Variants in SYT15B observed in about 807,000 individuals in gnomAD.
SYT15B encodes synaptotagmin-15.
At chr10:47,744,949 G>T in the SYT15B span, among the ~76,000 whole-genome samples, 7 of 152,008 alleles carry the variant, frequency 4.6e-5, no homozygotes, top group East Asian at 1.4e-3. Flanking sequence ...ATCCCATGTA[G>T]GAGTCTAAAC....
the SYT15B span, among the ~76,000 whole-genome samples, chr10:47,748,436 C>T: frequency 6.6e-6 from 1 of 151,872 alleles, no homozygotes; most frequent in South Asian, 2.1e-4. Context: ...TGGTCTCAAA[C>T]TTCTGACCTC....
the SYT15B span, among the ~76,000 whole-genome samples, chr10:47,759,333 A>C: frequency 6.8e-6 from 1 of 146,914 alleles, no homozygotes; most frequent in South Asian, 2.2e-4. Flanking sequence ...CCCATAGGCC[A>C]GGGCCTGGCA....
At chr10:47,744,881 A>C in the SYT15B span, among the ~76,000 whole-genome samples, 3 of 152,000 alleles carry the variant, frequency 2.0e-5, no homozygotes, top group African/African-American at 7.2e-5. Context: ...TTGACCAAAA[A>C]TGTGTCCTGT....
chr10:47,748,263 CG>C, the SYT15B span, among the ~76,000 whole-genome samples: 1 of 141,802 alleles, frequency 7.1e-6, no homozygotes, highest in Non-Finnish European at 1.5e-5. Context: ...GGCTGGAGTA[CG>C]GTGGCGCGCG....
At chr10:47,747,256 G>A in the SYT15B span, among the ~76,000 whole-genome samples, 1 of 152,190 alleles carries the variant, frequency 6.6e-6, no homozygotes, top group South Asian at 2.1e-4. Context: ...GGTTGTCAAG[G>A]CAGCTGGAAC....
the SYT15B span, among the ~76,000 whole-genome samples, chr10:47,762,360 C>T: frequency 7.1e-6 from 1 of 141,606 alleles, no homozygotes; most frequent in Non-Finnish European, 1.6e-5. Context: ...AAAAAGGTGC[C>T]TCCCTTAGGG....
the SYT15B span, chr10:47,763,173 C>G: frequency 1.0e-6 from 1 of 989,742 alleles, no homozygotes; most frequent in Non-Finnish European, 1.2e-6. Context: ...TTCCCGGATC[C>G]CGGGGTGGAG....
At chr10:47,761,079 C>T in the SYT15B span, 3 of 623,364 alleles carry the variant, frequency 4.8e-6, no homozygotes, top group African/African-American at 5.9e-5. Flanking sequence ...TGGGCCCATA[C>T]CAGGCAACAC....
the SYT15B span, among the ~76,000 whole-genome samples, chr10:47,746,546 C>T: frequency 1.8e-5 from 1 of 56,920 alleles, no homozygotes; most frequent in East Asian, 4.4e-4. Context: ...GGCGTGGTAG[C>T]GCATGCCTGT....
chr10:47,761,098 A>G, the SYT15B span, among the ~76,000 whole-genome samples: 5 of 73,902 alleles, frequency 6.8e-5, no homozygotes, highest in South Asian at 5.8e-4. Context: ...ACACACACAC[A>G]CACGCACACA....
At chr10:47,763,251 G>A in the SYT15B span, 1 of 985,616 alleles carries the variant, frequency 1.0e-6, no homozygotes, top group Admixed American at 6.1e-5. Context: ...CGGCGCTCGC[G>A]CACCCGTTCG....
chr10:47,751,317 T>A, the SYT15B span: 1 of 109,086 alleles, frequency 9.2e-6, no homozygotes, highest in Admixed American at 1.1e-4. Flanking sequence ...ATAGACAAGA[T>A]TATGTCATGT....
At chr10:47,745,221 T>TCC in the SYT15B span, among the ~76,000 whole-genome samples, 1 of 148,026 alleles carries the variant, frequency 6.8e-6, no homozygotes, top group Non-Finnish European at 1.5e-5. Context: ...TACTTCGAGG[T>TCC]CCCCTTCTAC....
chr10:47,755,685 AT>A, the SYT15B span, among the ~76,000 whole-genome samples: 10 of 137,278 alleles, frequency 7.3e-5, no homozygotes, highest in African/African-American at 2.8e-4. Flanking sequence ...TAATTATTGT[AT>A]TTTTAGTAGA....
the SYT15B span, among the ~76,000 whole-genome samples, chr10:47,748,678 G>C: frequency 1.6e-4 from 24 of 152,224 alleles, no homozygotes; most frequent in Admixed American, 6.5e-4. Context: ...TTGTAGAGGG[G>C]GGGGATCTTG....
At chr10:47,749,321 C>T in the SYT15B span, among the ~76,000 whole-genome samples, 2 of 148,366 alleles carry the variant, frequency 1.3e-5, no homozygotes, top group African/African-American at 5.0e-5. Context: ...AAAGGGAATT[C>T]TTCAGGTAGA....
chr10:47,745,734 GGTTCATTGCGTT>G, the SYT15B span, among the ~76,000 whole-genome samples: 1 of 135,168 alleles, frequency 7.4e-6, no homozygotes, highest in African/African-American at 2.6e-5. Context: ...ACATCAGCAT[GGTTCATTGCGTT>G]GTCCACCTGA....
the SYT15B span, among the ~76,000 whole-genome samples, chr10:47,749,993 A>T: frequency 8.5e-5 from 13 of 152,082 alleles, no homozygotes; most frequent in African/African-American, 2.9e-4. Context: ...ACTCTACCAG[A>T]AAACATCAAT....
chr10:47,745,606 G>A, the SYT15B span, among the ~76,000 whole-genome samples: 5 of 112,628 alleles, frequency 4.4e-5, 1 homozygote, highest in Admixed American at 3.0e-4. Context: ...ATCATGGAAT[G>A]TCAGTTTGGC....
Sources: gnomAD v4.1 joint callset for allele counts (sites outside exome capture counted in the v4.1 genomes callset) on GRCh38, gnomAD v4.1.1 for gene constraint, MANE v1.5 for transcripts, NCBI Gene and HGNC (gene_info 2026-07-23, HGNC 2026-07-21) for gene names.